Variants in SEC14L5 observed in about 807,000 individuals in gnomAD.
The protein encoded by SEC14L5 is SEC14-like protein 5.
A neutral mutation model predicts 84.6 loss-of-function variants in SEC14L5; 96 were observed. That is an observed-to-expected ratio of 1.13 (90% CI 0.96 to 1.34). The LOEUF (loss-of-function observed/expected upper bound fraction) is 1.34. SEC14L5 is among the 40% of genes most tolerant of loss of function. The pLI, the probability that SEC14L5 is intolerant of heterozygous loss-of-function variation, is 0.00. For missense variants in SEC14L5, 1,224 were observed against 942.5 expected, an observed-to-expected ratio of 1.30 and a Z score of -3.91; for synonymous variants, 546 against 383.4, an observed-to-expected ratio of 1.42 and a Z score of -4.95.
chr16:4,962,038 A>G (rs994565529), intron 2 of SEC14L5, among the ~76,000 whole-genome samples: 8 of 152,032 alleles, frequency 5.3e-5, no homozygotes, highest in Admixed American at 2.0e-4. Flanking sequence ...TGAGGCGCAT[A>G]TAGGCATACA....
chr16:4,987,521 C>A, intron 2 of SEC14L5, 36 bp from the exon 3 acceptor site: 2 of 1,498,690 alleles, frequency 1.3e-6, no homozygotes, highest in Middle Eastern at 1.7e-4. Flanking sequence ...CCTCTGCCCC[C>A]CCCACCACGG....
At chr16:4,975,288 C>G (rs1356924005) in intron 2 of SEC14L5, among the ~76,000 whole-genome samples, 1 of 151,508 alleles carries the variant, frequency 6.6e-6, no homozygotes, top group African/African-American at 2.4e-5. Context: ...CTGGCTAACA[C>G]GGTGAAACCC....
chr16:5,004,343 C>T (rs1296581081), intron 11 of SEC14L5, among the ~76,000 whole-genome samples: 2 of 152,052 alleles, frequency 1.3e-5, no homozygotes, highest in East Asian at 1.9e-4. Context: ...TCCTAATCTC[C>T]GGGAAAATTA....
Position 5,018,847 on chromosome 16 carries a change from A to G in SEC14L5, c.*3877A>G, listed in dbSNP as rs1254740255. ...ATTCCCCCTCCCTGCTGTAAAATTT[A>G]TTGTCCAATGAGAATAGTATAATTG... On this transcript the variant is annotated 3_prime_UTR_variant, in exon 16 of 16. Coordinates refer to ENST00000251170, the MANE Select transcript of SEC14L5 (RefSeq NM_014692.2). 2 of 152,118 alleles carry G rather than the reference A, an allele frequency of 1.3e-5. No individual in the cohort carries two copies. Among genetic ancestry groups the G allele is most frequent in the African/African-American group, 4.8e-5 (2 of 41,426 alleles). The allele number at this position is 152,118 out of a possible 1,614,324, so 9.4% of individuals were successfully genotyped here.
At position 5,018,457 on chromosome 16, in the gene SEC14L5, A is replaced by C. The variant is rs56382344; in HGVS notation, c.*3487A>C. ...TGAGGCCGGCTGATCGCTTGAGTGC[A>C]GGAGTTCAAGACCAGCCTGGGCAAC... is the stretch of plus-strand genomic sequence containing the variant. On this transcript the variant is annotated 3_prime_UTR_variant, in exon 16 of 16. Coordinates refer to ENST00000251170, the MANE Select transcript of SEC14L5 (RefSeq NM_014692.2). The C allele has an allele frequency of 6.6e-6, 1 of 152,150 alleles. No homozygotes were observed. The highest frequency in any genetic ancestry group is 2.4e-5 in the African/African-American group (1 of 41,394). The allele number at this position is 152,150 out of a possible 1,614,324, so 9.4% of individuals were successfully genotyped here.
rs775256743 is a variant in SEC14L5, at chr16:5,003,402, C to T, written c.1131C>T (p.Ser377=). 2.5e-6 allele frequency: 4 copies of T among 1,612,088 alleles called. No individual in the cohort carries two copies. Among genetic ancestry groups the T allele is most frequent in the South Asian group, 2.2e-5 (2 of 91,026 alleles). ...GSTRQLGRPI[S]SWTCLLDLEG... ...GGAGCTGGGGCTATTTCTGCCACAG[C>T]TCCTGGACCTGCCTGCTAGACCTGG... The change falls in exon 11 of 16, where the codon AGC becomes AGT. Residue 377 remains serine, a splice_region_variant and synonymous_variant. Coordinates refer to ENST00000251170, the MANE Select transcript of SEC14L5 (RefSeq NM_014692.2).
rs778439669 is a variant in SEC14L5 at position 5,003,458 on chromosome 16, C to CG, written c.1192dup (p.Val398GlyfsTer9). On this transcript the variant is annotated frameshift_variant, in exon 11 of 16. Transcript: ENST00000251170. LOFTEE classifies it high-confidence loss of function. ...CTCAACATGCGGCACCTGTGGCGGC[C>CG]GGGGGTGAAGGCCCTGCTGCGGATG... is the stretch of plus-strand genomic sequence containing the variant. The CG allele has an allele frequency of 2.5e-6, 4 of 1,613,140 alleles. No homozygotes were observed. Among genetic ancestry groups the CG allele is most frequent in the African/African-American group, 1.3e-5 (1 of 74,888 alleles).
At chr16:4,986,465 C>A (rs190450733) in intron 2 of SEC14L5, among the ~76,000 whole-genome samples, 1 of 152,248 alleles carries the variant, frequency 6.6e-6, no homozygotes, top group East Asian at 1.9e-4. Flanking sequence ...TAAAGTAAAT[C>A]AGGAAATATG....
chr16:4,980,509 C>G (rs1225269820), intron 2 of SEC14L5, among the ~76,000 whole-genome samples: 3 of 152,142 alleles, frequency 2.0e-5, no homozygotes, highest in Non-Finnish European at 4.4e-5. Flanking sequence ...GAGTCTGTGG[C>G]TTTATCCCCT....
intron 11 of SEC14L5, among the ~76,000 whole-genome samples, chr16:5,004,945 C>T (rs985415870): frequency 2.0e-5 from 3 of 152,170 alleles, no homozygotes; most frequent in East Asian, 1.9e-4. Context: ...GGAGGGACCT[C>T]GAAAACCTGA....
chr16:5,001,250 CTT>C (rs371571869), intron 10 of SEC14L5, among the ~76,000 whole-genome samples: 19 of 126,150 alleles, frequency 1.5e-4, no homozygotes, highest in Non-Finnish European at 1.0e-4. Context: ...CTTGACTTTG[CTT>C]TTTTTTTTTT....
chr16:5,012,024 G>A (rs1388803226), intron 15 of SEC14L5, among the ~76,000 whole-genome samples: 1 of 152,176 alleles, frequency 6.6e-6, no homozygotes, highest in Non-Finnish European at 1.5e-5. Flanking sequence ...TTCCCGTGGG[G>A]GTAAAATTAA....
intron 14 of SEC14L5, among the ~76,000 whole-genome samples, chr16:5,010,116 G>A (rs1009911740): frequency 6.7e-6 from 1 of 149,318 alleles, no homozygotes; most frequent in Non-Finnish European, 1.5e-5. Context: ...GCCGAGGCAG[G>A]TGAATCATCT....
chr16:5,004,057 C>T (rs1260949371), intron 11 of SEC14L5, among the ~76,000 whole-genome samples: 4 of 152,226 alleles, frequency 2.6e-5, no homozygotes, highest in Non-Finnish European at 4.4e-5. Context: ...ATAGTGTGGG[C>T]AAAAGCCTGG....
chr16:4,988,226 G>T lies in SEC14L5; in HGVS notation c.291G>T (p.Ala97=), dbSNP rs753631889. 6.4e-5 allele frequency: 104 copies of T among 1,613,480 alleles called. No individual in the cohort carries two copies. The highest frequency in any genetic ancestry group is 7.7e-5 in the Non-Finnish European group (91 of 1,179,638). The stretch of plus-strand genomic sequence containing the variant: ...AGGAGAGGACGCTCCTCATCGAAGC[G>T]CACAATGAGACCTTCGCCAACCGCG... The part of the protein sequence containing the change: ...NWKERTLLIE[A]HNETFANRVV... Residue 97 remains alanine, a synonymous_variant, in exon 4 of 16, where the codon GCG becomes GCT. Coordinates refer to ENST00000251170, the MANE Select transcript of SEC14L5 (RefSeq NM_014692.2).
chr16:4,977,686 C>G (rs1955363172), intron 2 of SEC14L5, among the ~76,000 whole-genome samples: 1 of 152,018 alleles, frequency 6.6e-6, no homozygotes, highest in Non-Finnish European at 1.5e-5. Context: ...CACAACCATC[C>G]TGCGAAGAGA....
In SEC14L5 at chr16:4,990,767, G is replaced by T. The variant is rs905941894; in HGVS notation, c.346G>T (p.Val116Phe). 1.2e-6 allele frequency: 2 copies of T among 1,606,394 alleles called. No homozygotes were observed. Among genetic ancestry groups the T allele is most frequent in the Admixed American group, 1.7e-5 (1 of 59,164 alleles). The part of the protein sequence containing the change: ...VVVNEHCSYT[V>F]HPENEDWTCF... ...GGCATGACCCCTGCCTGGCTTTCAG[G>T]TCCACCCTGAGAATGAAGACTGGAC... Residue 116 changes from valine (V) to phenylalanine (F), a missense_variant and splice_region_variant, in exon 5 of 16, where the codon GTC (valine) becomes TTC (phenylalanine). By Grantham distance (50) the Val-to-Phe change is conservative. Coordinates refer to ENST00000251170, the MANE Select transcript of SEC14L5 (RefSeq NM_014692.2).
chr16:4,987,679 C>G lies in SEC14L5; in HGVS notation c.186C>G (p.Arg62=). ...VHVVERSCRL[R]VDAPRLLRKI... is the part of the protein sequence containing the mutation. ...TGGTGGAGCGGAGCTGCCGGCTGCG[C>G]GTGGACGCCCCGCGGCTGCTGCGGA... Residue 62 remains arginine, a synonymous_variant, in exon 3 of 16, where the codon CGC becomes CGG. Transcript: ENST00000251170. 6.5e-7 allele frequency: 1 copy of G among 1,538,358 alleles called. No homozygotes were observed. The highest frequency in any genetic ancestry group is 8.7e-7 in the Non-Finnish European group (1 of 1,145,466).
At chr16:4,958,549 G>A (rs1401510394) in intron 1 of SEC14L5, 104 bp downstream of exon 1, 1 of 152,790 alleles carries the variant, frequency 6.5e-6, no homozygotes, top group East Asian at 1.9e-4. Flanking sequence ...GGCTCCCGAG[G>A]GCGAGGGTGA....
Sources: gnomAD v4.1 joint callset for allele counts (sites outside exome capture counted in the v4.1 genomes callset) on GRCh38, gnomAD v4.1.1 for gene constraint, MANE v1.5 for transcripts, NCBI Gene and HGNC (gene_info 2026-07-23, HGNC 2026-07-21) for gene names.